The following GLT1D1 variants were observed in gnomAD, a reference collection of about 807,000 sequenced individuals.
The protein encoded by GLT1D1 is glycosyltransferase 1 domain-containing protein 1.
Under a neutral mutation model 28.7 loss-of-function variants are expected in GLT1D1, and 21 were observed. The observed-to-expected ratio is 0.73, with a 90% CI of 0.52 to 1.05. GLT1D1 has a LOEUF of 1.05. GLT1D1 is among the 50% of genes least tolerant of loss of function. The probability of loss-of-function intolerance (pLI) is 0.00; values close to 1 mark genes in which losing one functional copy is unlikely to be tolerated. For missense variants in GLT1D1, 343 were observed against 330.6 expected, an observed-to-expected ratio of 1.04 and a Z score of -0.29; for synonymous variants, 147 against 124.8, an observed-to-expected ratio of 1.18 and a Z score of -1.19.
At chr12:128,951,601 G>A (rs1257438067) in intron 6 of GLT1D1, among the ~76,000 whole-genome samples, 1 of 152,100 alleles carries the variant, frequency 6.6e-6, no homozygotes, top group South Asian at 2.1e-4. Flanking sequence ...GCTCTGAACC[G>A]CTTTCCGTCC....
At position 128,898,303 on chromosome 12, in the gene GLT1D1, G is replaced by T. The variant is rs567278468; in HGVS notation, c.324-933G>T. On this transcript the variant is annotated intron_variant, in intron 3 of 7. Coordinates refer to ENST00000281703, the MANE Select transcript of GLT1D1 (RefSeq NM_144669.3). ...TCCTCCTGCCTCAGCCTCCTGAGTA[G>T]CTGGGACTACAAGTGTGCTCAACTA... Among the ~76,000 whole-genome samples, 6 of 152,136 alleles carry T rather than the reference G, an allele frequency of 3.9e-5. No individual in the cohort carries two copies. In the South Asian group the frequency reaches 1.2e-3, roughly 32 times the overall value.
chr12:128,952,370 C>T (rs1051250057), intron 6 of GLT1D1, among the ~76,000 whole-genome samples: 1 of 125,006 alleles, frequency 8.0e-6, no homozygotes, highest in Non-Finnish European at 1.6e-5. Flanking sequence ...AGAATGGGAA[C>T]GTATTTGGAG....
At chr12:128,874,124 C>CCCTTTCTTTCTTTCTT (rs1555261647) in intron 1 of GLT1D1, among the ~76,000 whole-genome samples, 11 of 39,278 alleles carry the variant, frequency 2.8e-4, no homozygotes, top group African/African-American at 8.9e-4. Context: ...CTCTCTCTCT[C>CCCTTTCTTTCTTTCTT]TCTTTCTTTC....
chr12:128,907,507 G>A (rs1190474166), intron 4 of GLT1D1, among the ~76,000 whole-genome samples: 3 of 151,940 alleles, frequency 2.0e-5, no homozygotes, highest in African/African-American at 2.4e-5. Context: ...AGGTTTCACC[G>A]TGTTAGCCAG....
intron 6 of GLT1D1, among the ~76,000 whole-genome samples, chr12:128,948,135 T>C (rs1449068666): frequency 2.0e-5 from 3 of 152,152 alleles, no homozygotes; most frequent in Non-Finnish European, 4.4e-5. Context: ...CTGTGTCCCC[T>C]CTTCTGTAAA....
intron 4 of GLT1D1, among the ~76,000 whole-genome samples, chr12:128,917,996 G>A (rs1034256550): frequency 6.6e-6 from 1 of 152,178 alleles, no homozygotes; most frequent in Non-Finnish European, 1.5e-5. Flanking sequence ...CTGTTATAAA[G>A]ATACATGCAC....
chr12:128,934,862 C>T (rs1030582295), intron 4 of GLT1D1, among the ~76,000 whole-genome samples: 1 of 152,058 alleles, frequency 6.6e-6, no homozygotes, highest in African/African-American at 2.4e-5. Flanking sequence ...TCTTCAAGGA[C>T]GGGGTCCAGG....
intron 7 of GLT1D1, among the ~76,000 whole-genome samples, chr12:128,975,441 GT>G (rs1185709762): frequency 9.4e-6 from 1 of 106,902 alleles, no homozygotes. Context: ...TCCCATAGCT[GT>G]TTTTTTGTTT....
At chr12:128,944,669 T>A in intron 4 of GLT1D1, 1 of 721,538 alleles carries the variant, frequency 1.4e-6, no homozygotes, top group Admixed American at 1.8e-5. Context: ...TGTGGAAGTG[T>A]CCTTGGAAAA....
At chr12:128,922,276 G>A (rs1346336092) in intron 4 of GLT1D1, among the ~76,000 whole-genome samples, 1 of 151,924 alleles carries the variant, frequency 6.6e-6, no homozygotes, top group African/African-American at 2.4e-5. Flanking sequence ...GTACTGTACA[G>A]GTATTATATT....
chr12:128,861,281 A>G (rs566580794), intron 1 of GLT1D1, among the ~76,000 whole-genome samples: 76 of 152,306 alleles, frequency 5.0e-4, no homozygotes, highest in Non-Finnish European at 9.4e-4. Context: ...CAGGGGCAGA[A>G]TGGAGTAGTT....
Position 128,957,610 on chromosome 12 carries a change from T to G in GLT1D1, c.606T>G (p.His202Gln). The change falls in exon 7 of 8, where the codon CAT (histidine) becomes CAG (glutamine). Residue 202 changes from histidine (H) to glutamine (Q), a missense_variant. His to Gln is a conservative substitution (Grantham distance 24). Transcript: ENST00000281703. Reference sequence around the variant, plus strand: ...CCGGGAATGCTGCCGTGGTGAAGCATGAAGTCACAGGGCTACTGTTTTCCA... The same window carrying G: ...CCGGGAATGCTGCCGTGGTGAAGCAGGAAGTCACAGGGCTACTGTTTTCCA... 1 of 1,613,722 alleles carries G rather than the reference T, an allele frequency of 6.2e-7. No individual in the cohort carries two copies. Among genetic ancestry groups the G allele is most frequent in the Non-Finnish European group, 8.5e-7 (1 of 1,179,638 alleles).
intron 3 of GLT1D1, among the ~76,000 whole-genome samples, chr12:128,895,165 A>AT (rs57516505): frequency 0.044 from 6,689 of 150,840 alleles, 462 homozygotes; most frequent in African/African-American, 0.15. Context: ...TTCCTTTATA[A>AT]TTTTTTTTTG....
chr12:128,958,863 G>A (rs1877599877), intron 7 of GLT1D1, among the ~76,000 whole-genome samples: 2 of 120,286 alleles, frequency 1.7e-5, no homozygotes, highest in Admixed American at 1.1e-4. Context: ...TATGAGACAG[G>A]GTCTCACTGT....
intron 4 of GLT1D1, among the ~76,000 whole-genome samples, chr12:128,926,877 T>C (rs1264483175): frequency 1.3e-5 from 2 of 152,310 alleles, no homozygotes; most frequent in Non-Finnish European, 1.5e-5. Flanking sequence ...TCCAGTAAAT[T>C]AGAAATCTGG....
At chr12:128,946,655 TTTTTTTTTTTTG>T in intron 5 of GLT1D1, among the ~76,000 whole-genome samples, 2 of 126,306 alleles carry the variant, frequency 1.6e-5, no homozygotes, top group Non-Finnish European at 1.7e-5. Context: ...TTTTTTTTTT[TTTTTTTTTTTTG>T]AGACCTAGTC....
Position 128,926,445 on chromosome 12 carries a change from G to A in GLT1D1, c.376-18881G>A, listed in dbSNP as rs868591494. On this transcript the variant is annotated intron_variant, in intron 4 of 7. Coordinates refer to ENST00000281703, the MANE Select transcript of GLT1D1 (RefSeq NM_144669.3). ...TAAGGATCCTCTCTATCTGGTGGAC[G>A]CATTTTCAGGTGTGTTTGCTGGCTA... The A allele has an allele frequency of 2.3e-5, 35 of 1,507,712 alleles. 1 individual carries two copies. The East Asian group carries it at 2.9e-4, about 13-fold the overall frequency. The allele number at this position is 1,507,712 out of a possible 1,614,324, so 93.4% of individuals were successfully genotyped here.
chr12:128,975,855 CTG>C (rs1268396488), intron 7 of GLT1D1, among the ~76,000 whole-genome samples: 1 of 152,168 alleles, frequency 6.6e-6, no homozygotes, highest in Non-Finnish European at 1.5e-5. Context: ...AATGACTACT[CTG>C]TGTTTTAAGA....
intron 1 of GLT1D1, among the ~76,000 whole-genome samples, chr12:128,869,939 ATTTT>A (rs35487977): frequency 4.8e-5 from 6 of 125,240 alleles, no homozygotes; most frequent in Admixed American, 7.9e-5. Context: ...TGTGTATTCT[ATTTT>A]TTTTTTTTTT....
Sources: gnomAD v4.1 joint callset for allele counts (sites outside exome capture counted in the v4.1 genomes callset) on GRCh38, gnomAD v4.1.1 for gene constraint, MANE v1.5 for transcripts, NCBI Gene and HGNC (gene_info 2026-07-23, HGNC 2026-07-21) for gene names.